Variants in CCDC192 observed in about 807,000 individuals in gnomAD.
CCDC192 encodes the protein coiled-coil domain containing 192, also known as coiled-coil domain-containing protein 192.
chr5:127,757,254 C>T (rs1327116390), intron 3 of CCDC192, among the ~76,000 whole-genome samples: 1 of 152,118 alleles, frequency 6.6e-6, no homozygotes, highest in African/African-American at 2.4e-5. Context: ...GTTAATTGTA[C>T]TAAAGGATAG....
chr5:127,738,888 C>T (rs1287612555), intron 2 of CCDC192, among the ~76,000 whole-genome samples: 3 of 151,962 alleles, frequency 2.0e-5, no homozygotes, highest in African/African-American at 4.8e-5. Flanking sequence ...CCTCCCATAG[C>T]TCAGAGTAAT....
At chr5:127,818,829 T>C (rs1359701668) in intron 5 of CCDC192, among the ~76,000 whole-genome samples, 1 of 151,936 alleles carries the variant, frequency 6.6e-6, no homozygotes, top group East Asian at 1.9e-4. Context: ...GTAAGGAAAA[T>C]CCCAAAAGGC....
intron 5 of CCDC192, among the ~76,000 whole-genome samples, chr5:127,831,677 T>C (rs1402942031): frequency 6.6e-6 from 1 of 152,084 alleles, no homozygotes; most frequent in African/African-American, 2.4e-5. Flanking sequence ...ATGATAGAAA[T>C]TCAACTATTA....
intron 2 of CCDC192, among the ~76,000 whole-genome samples, chr5:127,733,789 AT>A (rs1473903951): frequency 6.6e-6 from 1 of 150,804 alleles, no homozygotes; most frequent in East Asian, 1.9e-4. Flanking sequence ...ACCAAGCCAG[AT>A]TCCACGCTGT....
At chr5:127,841,125 GTTAGCAGAAAGACATT>G (rs1750265001) in intron 5 of CCDC192, among the ~76,000 whole-genome samples, 1 of 152,212 alleles carries the variant, frequency 6.6e-6, no homozygotes, top group African/African-American at 2.4e-5. Flanking sequence ...AAAAGGAACT[GTTAGCAGAAAGACATT>G]TCTTCAGTTT....
intron 5 of CCDC192, among the ~76,000 whole-genome samples, chr5:127,820,560 C>T (rs989682329): frequency 1.3e-5 from 2 of 152,048 alleles, no homozygotes; most frequent in Non-Finnish European, 2.9e-5. Flanking sequence ...CCAGCCTGGG[C>T]GACAGAGTGA....
intron 5 of CCDC192, among the ~76,000 whole-genome samples, chr5:127,872,477 C>T (rs1043605823): frequency 3.3e-5 from 5 of 152,154 alleles, no homozygotes; most frequent in African/African-American, 4.8e-5. Flanking sequence ...CTGTGCCCCT[C>T]GGGGAGCTGG....
At chr5:127,789,371 A>C (rs1168117420) in intron 3 of CCDC192, among the ~76,000 whole-genome samples, 1 of 152,244 alleles carries the variant, frequency 6.6e-6, no homozygotes, top group Admixed American at 6.5e-5. Flanking sequence ...AAATATGAAC[A>C]GTAAAGGCCA....
chr5:127,709,136 GGAGGAGAGAAAGAAGAGAGA>G (rs1751145173), intron 2 of CCDC192, among the ~76,000 whole-genome samples: 1 of 119,080 alleles, frequency 8.4e-6, no homozygotes, highest in African/African-American at 3.1e-5. Context: ...AGAGGGAGAG[GGAGGAGAGAAAGAAGAGAGA>G]GAGAGGGGGA....
intron 3 of CCDC192, among the ~76,000 whole-genome samples, chr5:127,766,134 T>C (rs1755211398): frequency 6.6e-6 from 1 of 152,150 alleles, no homozygotes; most frequent in South Asian, 2.1e-4. Context: ...ATAAATGCCT[T>C]TTTCAGAATG....
At chr5:127,923,009 A>G (rs549116501) in intron 6 of CCDC192, among the ~76,000 whole-genome samples, 1 of 152,362 alleles carries the variant, frequency 6.6e-6, no homozygotes, top group Admixed American at 6.5e-5. Context: ...TATCAGGCTT[A>G]GGAAGAAGCT....
intron 2 of CCDC192, among the ~76,000 whole-genome samples, chr5:127,718,719 T>G (rs1467914137): frequency 1.3e-5 from 2 of 152,158 alleles, no homozygotes; most frequent in African/African-American, 4.8e-5. Flanking sequence ...GGGAAGCCAG[T>G]TTTGAGGATC....
intron 6 of CCDC192, among the ~76,000 whole-genome samples, chr5:127,937,136 T>C (rs1754209099): frequency 1.3e-5 from 2 of 152,252 alleles, no homozygotes; most frequent in Admixed American, 6.5e-5. Flanking sequence ...AAGAGACTAG[T>C]AGTAAAATAT....
intron 5 of CCDC192, among the ~76,000 whole-genome samples, chr5:127,839,449 A>G (rs992300877): frequency 3.9e-5 from 6 of 152,202 alleles, no homozygotes; most frequent in African/African-American, 1.2e-4. Context: ...ATATACCAAA[A>G]TGTTAGCAAT....
chr5:127,815,438 G>C (rs914695303), intron 5 of CCDC192, among the ~76,000 whole-genome samples: 8 of 152,092 alleles, frequency 5.3e-5, no homozygotes, highest in African/African-American at 1.4e-4. Context: ...GGGATGATAG[G>C]GGGTGGGGAA....
intron 6 of CCDC192, among the ~76,000 whole-genome samples, chr5:127,882,143 G>T (rs1752380272): frequency 6.6e-6 from 1 of 152,184 alleles, no homozygotes; most frequent in African/African-American, 2.4e-5. Flanking sequence ...AAGACTCAAT[G>T]TCTGAATCGA....
intron 6 of CCDC192, among the ~76,000 whole-genome samples, chr5:127,883,273 A>G (rs1347877844): frequency 6.6e-6 from 1 of 152,248 alleles, no homozygotes; most frequent in Non-Finnish European, 1.5e-5. Flanking sequence ...CTTTTACAGC[A>G]CTACCACTGA....
At chr5:127,813,507 C>A (rs1468072282) in intron 5 of CCDC192, among the ~76,000 whole-genome samples, 1 of 152,004 alleles carries the variant, frequency 6.6e-6, no homozygotes, top group African/African-American at 2.4e-5. Context: ...ATAAATAATT[C>A]TATGTTTTGC....
intron 5 of CCDC192, among the ~76,000 whole-genome samples, chr5:127,859,771 G>T (rs1751278059): frequency 6.6e-6 from 1 of 151,896 alleles, no homozygotes; most frequent in Non-Finnish European, 1.5e-5. Context: ...CATTTCTGTG[G>T]ATTCTCACAA....
Sources: gnomAD v4.1 joint callset for allele counts (sites outside exome capture counted in the v4.1 genomes callset) on GRCh38, gnomAD v4.1.1 for gene constraint, MANE v1.5 for transcripts, NCBI Gene and HGNC (gene_info 2026-07-23, HGNC 2026-07-21) for gene names.